ITGBL1: variants seen among roughly 807,000 people sequenced by gnomAD.
ITGBL1 encodes the protein integrin beta-like protein 1.
Under a neutral mutation model 68.5 loss-of-function variants are expected in ITGBL1, and 51 were observed. The observed-to-expected ratio is 0.74, with a 90% CI of 0.59 to 0.94. The LOEUF (loss-of-function observed/expected upper bound fraction) is 0.94, where lower values mean the gene tolerates loss of function less well. Ranked by LOEUF, ITGBL1 falls within the 40% of genes least tolerant of loss-of-function variation. ITGBL1 has a pLI of 0.00. For missense variants in ITGBL1, 649 were observed against 647.4 expected (o/e 1.00, Z -0.03); for synonymous variants, 209 against 227.3 (o/e 0.92, Z 0.72).
intron 7 of ITGBL1, among the ~76,000 whole-genome samples, chr13:101,606,172 T>TATATATATATA (rs1566754927): frequency 1.8e-4 from 11 of 60,136 alleles, no homozygotes; most frequent in African/African-American, 8.7e-4. Flanking sequence ...CTATTAGGAT[T>TATATATATATA]TTTATATATA....
intron 7 of ITGBL1, among the ~76,000 whole-genome samples, chr13:101,630,050 C>A (rs2031925547): frequency 6.6e-6 from 1 of 152,102 alleles, no homozygotes; most frequent in Non-Finnish European, 1.5e-5. Flanking sequence ...TCTTGAACTC[C>A]TGACCTTGTG....
At chr13:101,640,999 T>A (rs2032348885) in intron 7 of ITGBL1, among the ~76,000 whole-genome samples, 1 of 152,202 alleles carries the variant, frequency 6.6e-6, no homozygotes, top group African/African-American at 2.4e-5. Context: ...ACCATGGCAC[T>A]TATGACTAAA....
chr13:101,651,608 C>T (rs1165164385), intron 7 of ITGBL1, among the ~76,000 whole-genome samples: 1 of 152,046 alleles, frequency 6.6e-6, no homozygotes, highest in Admixed American at 6.6e-5. Context: ...AATTTTTTCC[C>T]ATTCTGTAGG....
intron 7 of ITGBL1, among the ~76,000 whole-genome samples, chr13:101,630,311 T>C (rs1461304669): frequency 1.3e-5 from 2 of 152,190 alleles, no homozygotes; most frequent in Non-Finnish European, 2.9e-5. Flanking sequence ...AAATGACAAA[T>C]CATTCAATAT....
intron 7 of ITGBL1, among the ~76,000 whole-genome samples, chr13:101,657,404 A>G (rs12873072): frequency 6.6e-6 from 1 of 152,126 alleles, no homozygotes; most frequent in South Asian, 2.1e-4. Context: ...TGATGTTAAC[A>G]CATATACAGA....
chr13:101,698,280 A>G (rs2034048679), intron 8 of ITGBL1, among the ~76,000 whole-genome samples: 1 of 152,248 alleles, frequency 6.6e-6, no homozygotes, highest in South Asian at 2.1e-4. Context: ...TAAGTAAGAT[A>G]AAAAACATGT....
intron 2 of ITGBL1, among the ~76,000 whole-genome samples, chr13:101,512,276 T>C (rs937889730): frequency 6.6e-6 from 1 of 152,124 alleles, no homozygotes; most frequent in African/African-American, 2.4e-5. Flanking sequence ...CTCGCTTATT[T>C]CTATTTTTAT....
chr13:101,705,995 C>T (rs1370461921), intron 8 of ITGBL1, among the ~76,000 whole-genome samples: 11 of 152,054 alleles, frequency 7.2e-5, no homozygotes, highest in South Asian at 2.1e-4. Flanking sequence ...AAGGGTCGAG[C>T]GGAAACTGAA....
At chr13:101,611,737 A>T (rs978628632) in intron 7 of ITGBL1, among the ~76,000 whole-genome samples, 2 of 151,978 alleles carry the variant, frequency 1.3e-5, no homozygotes, top group African/African-American at 4.8e-5. Context: ...ATAAGCTTGC[A>T]TTGCCTCCCT....
rs1299682306 is a variant in ITGBL1 at position 101,697,191 on chromosome 13, G to A, written c.1132+4490G>A. On this transcript the variant is annotated intron_variant, in intron 8 of 10. Coordinates refer to ENST00000376180, the MANE Select transcript of ITGBL1 (RefSeq NM_004791.3). The stretch of plus-strand genomic sequence containing the variant: ...TACTTGGCTCATCTTTAGATATCAG[G>A]TCTTTAAAAATATTGTTAAATTGGT... Among the ~76,000 whole-genome samples the A allele has an allele frequency of 2.6e-5, 4 of 151,230 alleles. No individual in the cohort carries two copies. The East Asian group carries it at 5.8e-4, about 22-fold the overall frequency.
chr13:101,490,094 AG>A, intron 2 of ITGBL1: 3 of 796,226 alleles, frequency 3.8e-6, no homozygotes, highest in Non-Finnish European at 4.1e-6. Context: ...TCTAACCCCC[AG>A]TGTGATGGTA....
chr13:101,492,861 T>A (rs2048800562), intron 2 of ITGBL1, among the ~76,000 whole-genome samples: 1 of 152,234 alleles, frequency 6.6e-6, no homozygotes. Flanking sequence ...TCTTTCTTTC[T>A]TCGCATTGCT....
intron 2 of ITGBL1, among the ~76,000 whole-genome samples, chr13:101,523,407 A>G (rs967445260): frequency 5.9e-5 from 9 of 152,122 alleles, no homozygotes; most frequent in Non-Finnish European, 1.2e-4. Flanking sequence ...TTCACCACCC[A>G]CTATATTGTA....
chr13:101,504,551 C>T (rs983719508), intron 2 of ITGBL1, among the ~76,000 whole-genome samples: 5 of 152,116 alleles, frequency 3.3e-5, no homozygotes, highest in Admixed American at 2.6e-4. Context: ...TGCTATTATC[C>T]ATCCACAACT....
In ITGBL1 at chr13:101,453,985, C is replaced by T. The variant is rs762607454; in HGVS notation, c.201C>T (p.Gly67=). ...PPGAALCHGR[G]RCDCGVCICH... Reference sequence around the variant, plus strand: ...GGGCCGCGCTGTGCCACGGCCGGGGCCGCTGCGACTGCGGCGTCTGCATCT... The same window carrying T: ...GGGCCGCGCTGTGCCACGGCCGGGGTCGCTGCGACTGCGGCGTCTGCATCT... Residue 67 remains glycine (G), a synonymous_variant, in exon 2 of 11, where the codon GGC becomes GGT. Coordinates refer to ENST00000376180, the MANE Select transcript of ITGBL1 (RefSeq NM_004791.3). 4.5e-6 allele frequency: 7 copies of T among 1,544,808 alleles called. No individual in the cohort carries two copies. The Admixed American group carries it at 1.2e-4, about 26-fold the overall frequency.
chr13:101,509,834 G>A (rs9513908), intron 2 of ITGBL1, among the ~76,000 whole-genome samples: 17,840 of 151,962 alleles, frequency 0.12, 1,202 homozygotes, highest in East Asian at 0.23. Flanking sequence ...CAAGTTTCCT[G>A]TTATTAACTT....
Position 101,714,570 on chromosome 13 carries a change from C to G in ITGBL1, c.1393+19C>G. 7.3e-7 allele frequency: 1 copy of G among 1,370,146 alleles called. No individual in the cohort carries two copies. Among genetic ancestry groups the G allele is most frequent in the Non-Finnish European group, 1.0e-6 (1 of 957,976 alleles). 84.9% of individuals were successfully genotyped at this position (1,370,146 alleles called of 1,614,324 possible). On this transcript the variant is annotated intron_variant, in intron 10 of 10. Transcript: ENST00000376180. The stretch of plus-strand genomic sequence containing the variant: ...TGTACAGGTGCAGTATTAACCTTTT[C>G]TAATTGCTCTATGCCACAGTTTGTT...
At chr13:101,566,401 C>T (rs2050184029) in intron 2 of ITGBL1, among the ~76,000 whole-genome samples, 1 of 152,026 alleles carries the variant, frequency 6.6e-6, no homozygotes, top group Non-Finnish European at 1.5e-5. Flanking sequence ...TAGGGCCAGG[C>T]AGGAATGCAA....
chr13:101,532,567 T>TA (rs1321435006), intron 2 of ITGBL1, among the ~76,000 whole-genome samples: 1 of 152,224 alleles, frequency 6.6e-6, no homozygotes, highest in Non-Finnish European at 1.5e-5. Context: ...GAAGTCTTCT[T>TA]CACTCTCTGG....
Sources: gnomAD v4.1 joint callset for allele counts (sites outside exome capture counted in the v4.1 genomes callset) on GRCh38, gnomAD v4.1.1 for gene constraint, MANE v1.5 for transcripts, NCBI Gene and HGNC (gene_info 2026-07-23, HGNC 2026-07-21) for gene names.